Variants in FRMD6 observed in about 807,000 individuals in gnomAD.
FRMD6 encodes FERM domain containing 6.
Under a neutral mutation model 73.2 loss-of-function variants are expected in FRMD6, and 37 were observed. That is an observed-to-expected ratio of 0.51 (90% CI 0.39 to 0.66). The LOEUF (loss-of-function observed/expected upper bound fraction) is 0.66. FRMD6 is among the 30% of genes least tolerant of loss of function. The pLI is 0.00. For synonymous variants in FRMD6, 273 were observed against 282.2 expected (o/e 0.97, Z 0.33); for missense variants, 714 against 780.5 (o/e 0.91, Z 1.02).
intron 1 of FRMD6, among the ~76,000 whole-genome samples, chr14:51,676,872 T>G (rs894699531): frequency 6.6e-6 from 1 of 152,180 alleles, no homozygotes; most frequent in Non-Finnish European, 1.5e-5. Flanking sequence ...TTTCTTTAGT[T>G]TTATCACACA....
chr14:51,661,519 T>A (rs1354590903), intron 1 of FRMD6, among the ~76,000 whole-genome samples: 2 of 152,134 alleles, frequency 1.3e-5, no homozygotes, highest in Non-Finnish European at 2.9e-5. Flanking sequence ...TGCTTCATCT[T>A]TTAGAGGTTG....
chr14:51,541,903 G>T (rs964291591), intron 1 of FRMD6, among the ~76,000 whole-genome samples: 7 of 151,976 alleles, frequency 4.6e-5, no homozygotes, highest in African/African-American at 1.4e-4. Context: ...GTTAATGTGT[G>T]ATGTCCCTGA....
At chr14:51,424,856 T>C in the FRMD6 span, among the ~76,000 whole-genome samples, 5 of 152,208 alleles carry the variant, frequency 3.3e-5, no homozygotes, top group Non-Finnish European at 7.3e-5. Flanking sequence ...CTTTTATCTT[T>C]TCTGAGCCAT....
intron 1 of FRMD6, among the ~76,000 whole-genome samples, chr14:51,509,068 T>A (rs576572948): frequency 7.0e-4 from 106 of 152,354 alleles, no homozygotes; most frequent in African/African-American, 1.8e-3. Flanking sequence ...ACATCACTGC[T>A]CACCATCATT....
At chr14:51,432,193 TAGAG>T in the FRMD6 span, among the ~76,000 whole-genome samples, 2 of 152,176 alleles carry the variant, frequency 1.3e-5, no homozygotes, top group Non-Finnish European at 2.9e-5. Flanking sequence ...ATTGAAAAGA[TAGAG>T]AGTAGCGGAA....
At chr14:51,530,858 A>G (rs778820237) in intron 1 of FRMD6, among the ~76,000 whole-genome samples, 4 of 152,196 alleles carry the variant, frequency 2.6e-5, no homozygotes, top group Admixed American at 1.3e-4. Flanking sequence ...ATACCACCTT[A>G]ACAAAGAGAT....
At chr14:51,479,460 C>T in the FRMD6 span, among the ~76,000 whole-genome samples, 1 of 152,210 alleles carries the variant, frequency 6.6e-6, no homozygotes. Context: ...TGAGCTTAGT[C>T]TCTGCTCTCA....
the FRMD6 span, chr14:51,436,537 C>A: frequency 1.5e-6 from 1 of 652,664 alleles, no homozygotes; most frequent in South Asian, 1.6e-5. Flanking sequence ...TCTTCAAAGT[C>A]CACTGAAATC....
At chr14:51,556,501 T>C (rs1239186659) in intron 1 of FRMD6, among the ~76,000 whole-genome samples, 1 of 152,166 alleles carries the variant, frequency 6.6e-6, no homozygotes, top group Non-Finnish European at 1.5e-5. Context: ...ACTTAATTGC[T>C]TTACAAGACT....
intron 1 of FRMD6, among the ~76,000 whole-genome samples, chr14:51,512,013 T>A (rs1233522652): frequency 6.6e-6 from 1 of 152,202 alleles, no homozygotes; most frequent in Admixed American, 6.5e-5. Context: ...TACTTCATGA[T>A]GTATGTATGC....
chr14:51,594,338 A>ATTTTTTTT (rs869252792), intron 2 of FRMD6, among the ~76,000 whole-genome samples: 1 of 117,804 alleles, frequency 8.5e-6, no homozygotes, highest in African/African-American at 2.9e-5. Context: ...TTATTTATTT[A>ATTTTTTTT]TTTTTTTGAG....
At chr14:51,655,100 T>C (rs918919467) in intron 1 of FRMD6, among the ~76,000 whole-genome samples, 3 of 151,600 alleles carry the variant, frequency 2.0e-5, no homozygotes, top group African/African-American at 7.3e-5. Flanking sequence ...AGAATCCTAC[T>C]GTAACACAGT....
chr14:51,701,570 GTATAGTATATAAAGTATA>G lies in FRMD6; in HGVS notation c.294+423_294+440del, dbSNP rs1263832723. On this transcript the variant is annotated intron_variant, in intron 4 of 13. Coordinates refer to ENST00000344768, the MANE Select transcript of FRMD6 (RefSeq NM_001267046.2). ...CTTAGTATATATAGTAGAAAATATAGTATAGTATATAAAGTATATATAGTATATATACTTAGTATATAT... is the reference window on the plus strand; with the variant it reads ...CTTAGTATATATAGTAGAAAATATAGTATAGTATATATACTTAGTATATAT... 4.8e-5 allele frequency among the ~76,000 whole-genome samples: 7 copies of G among 145,974 alleles called. No homozygotes were observed. The South Asian group carries it at 1.3e-3, about 27-fold the overall frequency.
the FRMD6 span, among the ~76,000 whole-genome samples, chr14:51,461,178 T>G: frequency 6.6e-6 from 1 of 152,174 alleles, no homozygotes; most frequent in Non-Finnish European, 1.5e-5. Flanking sequence ...ATGAGACATG[T>G]GCTATTTAAA....
chr14:51,521,755 A>C (rs1884966941), intron 1 of FRMD6, among the ~76,000 whole-genome samples: 1 of 151,904 alleles, frequency 6.6e-6, no homozygotes, highest in Admixed American at 6.6e-5. Flanking sequence ...TATTGGGATT[A>C]TAAATTTTCA....
the FRMD6 span, among the ~76,000 whole-genome samples, chr14:51,479,791 G>A: frequency 6.6e-6 from 1 of 152,184 alleles, no homozygotes; most frequent in Non-Finnish European, 1.5e-5. Flanking sequence ...AATTTAGAGA[G>A]CTGGATACCT....
intron 1 of FRMD6, among the ~76,000 whole-genome samples, chr14:51,517,218 A>G (rs916260423): frequency 2.0e-5 from 3 of 152,200 alleles, no homozygotes; most frequent in South Asian, 2.1e-4. Context: ...ACATTTTCCA[A>G]TGGTTTATTT....
intron 2 of FRMD6, among the ~76,000 whole-genome samples, chr14:51,598,706 A>T (rs1429439166): frequency 1.3e-5 from 2 of 152,170 alleles, no homozygotes; most frequent in Non-Finnish European, 2.9e-5. Context: ...GGTTGCATCC[A>T]TGTTTCTCAA....
chr14:51,524,909 C>T (rs1402093274), intron 1 of FRMD6, among the ~76,000 whole-genome samples: 1 of 150,958 alleles, frequency 6.6e-6, no homozygotes, highest in Non-Finnish European at 1.5e-5. Flanking sequence ...TACAAGGATG[C>T]AGCTTTAAGC....
Sources: allele counts gnomAD v4.1 joint callset (sites outside exome capture counted in the v4.1 genomes callset), GRCh38; gene constraint gnomAD v4.1.1; transcripts MANE v1.5; gene names NCBI Gene and HGNC (gene_info 2026-07-23, HGNC 2026-07-21).